The following PCDHA3 variants were observed in gnomAD, a reference collection of about 807,000 sequenced individuals.
PCDHA3 encodes the protein protocadherin alpha-3.
In PCDHA3, 41 loss-of-function variants were observed where a neutral mutation model predicts 62.2. The observed-to-expected ratio is 0.66, with a 90% CI of 0.51 to 0.86. The LOEUF (loss-of-function observed/expected upper bound fraction) is 0.86. Ranked by LOEUF, PCDHA3 falls within the 40% of genes least tolerant of loss-of-function variation. PCDHA3 has a pLI of 0.00. For synonymous variants in PCDHA3, 640 were observed against 555.4 expected, an observed-to-expected ratio of 1.15 and a Z score of -2.14; for missense variants, 1,304 against 1,241.2, an observed-to-expected ratio of 1.05 and a Z score of -0.76.
rs781878255 is a variant in PCDHA3 at position 140,856,536 on chromosome 5, A to G, written c.2394+52945A>G. 8.1e-6 allele frequency: 13 copies of G among 1,598,388 alleles called. 1 individual carries two copies. The East Asian group carries it at 2.2e-4, about 27-fold the overall frequency. ...GGCGCATCTGATGCGGATGTTGGAG[A>G]GAACGCATTGCTTACTTACAAACTC... is the stretch of plus-strand genomic sequence containing the variant. On this transcript the variant is annotated intron_variant, in intron 1 of 3. Transcript: ENST00000522353.
chr5:140,834,240 C>A, intron 1 of PCDHA3: 1 of 807,006 alleles, frequency 1.2e-6, no homozygotes, highest in Non-Finnish European at 1.9e-6. Flanking sequence ...CATTCCTTTT[C>A]GCACTGGAAA....
intron 1 of PCDHA3, among the ~76,000 whole-genome samples, chr5:140,844,605 G>GA (rs1306948486): frequency 6.7e-6 from 1 of 149,186 alleles, no homozygotes; most frequent in Non-Finnish European, 1.5e-5. Context: ...ATATGACTTA[G>GA]AAAAATGTTT....
chr5:141,006,491 G>A (rs142641127), intron 3 of PCDHA3, among the ~76,000 whole-genome samples: 4,876 of 152,234 alleles, frequency 0.032, 273 homozygotes, highest in African/African-American at 0.11. Context: ...GGGATTACAT[G>A]TGTGAGCCAC....
intron 3 of PCDHA3, among the ~76,000 whole-genome samples, chr5:140,992,394 G>A (rs1338899804): frequency 2.0e-5 from 3 of 152,170 alleles, no homozygotes; most frequent in African/African-American, 7.2e-5. Flanking sequence ...TCTGGACTTA[G>A]AGATATTGTT....
At chr5:140,924,725 C>T (rs1015635507) in intron 1 of PCDHA3, among the ~76,000 whole-genome samples, 71 of 151,698 alleles carry the variant, frequency 4.7e-4, no homozygotes, top group African/African-American at 1.6e-3. Flanking sequence ...CGAAACCTCA[C>T]CTCTAATAAA....
chr5:140,931,049 A>G (rs1165336064), intron 1 of PCDHA3, among the ~76,000 whole-genome samples: 1 of 152,226 alleles, frequency 6.6e-6, no homozygotes, highest in Non-Finnish European at 1.5e-5. Flanking sequence ...AAAAACTTCA[A>G]TGCTGTGTCT....
chr5:140,821,224 G>A (rs1766920649), intron 1 of PCDHA3, among the ~76,000 whole-genome samples: 1 of 152,100 alleles, frequency 6.6e-6, no homozygotes, highest in Non-Finnish European at 1.5e-5. Context: ...TGTTTAAATA[G>A]AGATGAGAAA....
intron 1 of PCDHA3, chr5:140,857,901 G>C: frequency 1.3e-6 from 2 of 1,597,732 alleles, no homozygotes; most frequent in Non-Finnish European, 1.7e-6. Context: ...GTTGGTGCAC[G>C]CATCCCGTTT....
At chr5:140,828,766 T>A (rs2150158702) in intron 1 of PCDHA3, 32 of 1,614,112 alleles carry the variant, frequency 2.0e-5, no homozygotes, top group Non-Finnish European at 2.5e-5. Context: ...TCACAGGCAC[T>A]GTTCAGCTGC....
At chr5:140,885,577 A>G (rs1554182197) in intron 1 of PCDHA3, among the ~76,000 whole-genome samples, 1 of 152,172 alleles carries the variant, frequency 6.6e-6, no homozygotes, top group African/African-American at 2.4e-5. Context: ...TCAGATGTGG[A>G]ATTGATGCAT....
intron 1 of PCDHA3, chr5:140,851,364 T>A (rs1293968731): frequency 6.1e-6 from 6 of 975,758 alleles, no homozygotes; most frequent in African/African-American, 1.8e-5. Flanking sequence ...ACTGTGAACA[T>A]CTGATTGTTC....
At chr5:140,875,991 T>C in intron 1 of PCDHA3, 2 of 1,613,966 alleles carry the variant, frequency 1.2e-6, no homozygotes, top group South Asian at 2.2e-5. Context: ...ATGCGTTAAG[T>C]CTAAATGAGA....
intron 3 of PCDHA3, chr5:140,988,926 A>C (rs562175503): frequency 6.6e-6 from 1 of 152,238 alleles, no homozygotes; most frequent in Non-Finnish European, 1.5e-5. Flanking sequence ...ATAGAACAAC[A>C]CTGTTCTCTT....
intron 1 of PCDHA3, chr5:140,811,112 A>T (rs1463605915): frequency 6.6e-6 from 1 of 152,084 alleles, no homozygotes; most frequent in Non-Finnish European, 1.5e-5. Flanking sequence ...GCACCCATCA[A>T]CTCATCATTT....
chr5:141,008,040 T>C (rs1408807855), intron 3 of PCDHA3, among the ~76,000 whole-genome samples: 1 of 152,200 alleles, frequency 6.6e-6, no homozygotes, highest in Admixed American at 6.5e-5. Context: ...ATCTGCCTTT[T>C]GTAACAGGGG....
At chr5:140,983,977 C>T (rs566705604) in intron 3 of PCDHA3, among the ~76,000 whole-genome samples, 20 of 152,234 alleles carry the variant, frequency 1.3e-4, no homozygotes, top group Non-Finnish European at 2.4e-4. Flanking sequence ...AAAAAATATA[C>T]GAGTTGAAGC....
chr5:140,959,061 A>G (rs1434123552), intron 1 of PCDHA3, among the ~76,000 whole-genome samples: 2 of 152,126 alleles, frequency 1.3e-5, no homozygotes, highest in Non-Finnish European at 2.9e-5. Flanking sequence ...AATGCAGTAT[A>G]TATAGAATTC....
At chr5:140,890,693 G>C (rs980920550) in intron 1 of PCDHA3, among the ~76,000 whole-genome samples, 7 of 151,828 alleles carry the variant, frequency 4.6e-5, no homozygotes, top group Non-Finnish European at 8.8e-5. Flanking sequence ...GGAAATGCAG[G>C]GACCTTACAT....
intron 1 of PCDHA3, among the ~76,000 whole-genome samples, chr5:140,833,369 A>T (rs2150207984): frequency 2.0e-5 from 3 of 152,192 alleles, no homozygotes; most frequent in Admixed American, 1.3e-4. Context: ...AGTAAGGTAG[A>T]TCCAAAAAGG....
Sources: allele counts gnomAD v4.1 joint callset (sites outside exome capture counted in the v4.1 genomes callset), GRCh38; gene constraint gnomAD v4.1.1; transcripts MANE v1.5; gene names NCBI Gene and HGNC (gene_info 2026-07-23, HGNC 2026-07-21).